The following ATP1A2 variants were observed in gnomAD, a reference collection of about 807,000 sequenced individuals.
The protein encoded by ATP1A2 is ATPase Na+/K+ transporting subunit alpha 2, also known as sodium/potassium-transporting ATPase subunit alpha-2.
A neutral mutation model predicts 113.1 loss-of-function variants in ATP1A2; 56 were observed. The observed-to-expected ratio is 0.49, with a 90% CI of 0.40 to 0.62. The LOEUF is 0.62. Ranked by LOEUF, ATP1A2 falls within the 20% of genes least tolerant of loss-of-function variation. The pLI is 0.00. For missense variants in ATP1A2, 712 were observed against 1,357.8 expected (o/e 0.52, Z 7.47); for synonymous variants, 490 against 526.8 (o/e 0.93, Z 0.96).
chr1:160,125,325 G>A lies in ATP1A2; in HGVS notation c.748+72G>A, dbSNP rs1258178108. The A allele has an allele frequency of 1.8e-5, 26 of 1,421,176 alleles. 1 individual carries two copies. The highest frequency in any genetic ancestry group is 1.5e-5 in the Non-Finnish European group (15 of 1,007,332). The allele number at this position is 1,421,176 out of a possible 1,614,324, so 88.0% of individuals were successfully genotyped here. On this transcript the variant is annotated intron_variant, in intron 7 of 22. Transcript: ENST00000361216. ...TCCATAGTCAGGATGAAGGGCTCTG[G>A]TAGTACTTACCTGGCAAAAGCTCTG...
rs142140032 is a variant in ATP1A2 at position 160,128,654 on chromosome 1, G to T, written c.1020G>T (p.Val340=). The part of the protein sequence containing the change: ...VPEGLLATVT[V]CLTLTAKRMA... ...TTATTCTCCTCTTTCTCTACCAGGT[G>T]TGCCTGACCCTGACAGCCAAGCGCA... The change falls in exon 9 of 23, where the codon GTG becomes GTT. Residue 340 remains valine (V), a splice_region_variant and synonymous_variant. Transcript: ENST00000361216. 5.0e-6 allele frequency: 8 copies of T among 1,614,052 alleles called. No homozygotes were observed. The East Asian group carries it at 6.7e-5, about 13-fold the overall frequency.
At chr1:160,120,739 A>C (rs544394977) in intron 1 of ATP1A2, among the ~76,000 whole-genome samples, 167 bp from the exon 2 acceptor site, 13 of 152,206 alleles carry the variant, frequency 8.5e-5, no homozygotes, top group Middle Eastern at 3.4e-3. Context: ...AATAGTCTAC[A>C]AACTGAGGGC....
intron 1 of ATP1A2, among the ~76,000 whole-genome samples, chr1:160,116,945 GTGTGTC>G (rs1446664049): frequency 4.6e-5 from 7 of 152,166 alleles, no homozygotes. Context: ...GCATGTATCT[GTGTGTC>G]TGTGTCTGTG....
In ATP1A2 at chr1:160,125,124, C is replaced by G; in HGVS notation, c.631-12C>G. On this transcript the variant is annotated splice_polypyrimidine_tract_variant and intron_variant, in intron 6 of 22. Transcript: ENST00000361216. The stretch of plus-strand genomic sequence containing the variant: ...CTGCCAGTCTGATGACTATGCACTC[C>G]TTCCTCCTCAGGTGGATAACTCATC... 6.2e-7 allele frequency: 1 copy of G among 1,612,484 alleles called. No homozygotes were observed. Among genetic ancestry groups the G allele is most frequent in the Non-Finnish European group, 8.5e-7 (1 of 1,178,526 alleles).
In ATP1A2 at chr1:160,134,661, G is replaced by A. The variant is rs370724298; in HGVS notation, c.1964+41G>A. ...GAAGCCCCTGTGCCCTAATCAACAC[G>A]TCCTCTTGCACAGAAGGCTTGGGTG... On this transcript the variant is annotated intron_variant, in intron 14 of 22. Coordinates refer to ENST00000361216, the MANE Select transcript of ATP1A2 (RefSeq NM_000702.4). 37 of 1,614,004 alleles carry A rather than the reference G, an allele frequency of 2.3e-5. No homozygotes were observed. In the African/African-American group the frequency reaches 2.4e-4, roughly 10 times the overall value.
chr1:160,124,591 G>A (rs1486559012), intron 6 of ATP1A2, among the ~76,000 whole-genome samples, 161 bp downstream of exon 6: 2 of 152,246 alleles, frequency 1.3e-5, no homozygotes, highest in East Asian at 1.9e-4. Context: ...GGGTGCTTGT[G>A]CAGTGCCTCC....
At position 160,130,111 on chromosome 1, in the gene ATP1A2, C is replaced by A. The variant is rs747333323; in HGVS notation, c.1471C>A (p.His491Asn). ...NSTNKYQLSI[H>N]EREDSPQSHV... ...CCTGTTGTCTCTCCAGCTGTCTATC[C>A]ACGAGCGAGAAGACAGCCCCCAGAG... is the stretch of plus-strand genomic sequence containing the variant. Residue 491 changes from histidine to asparagine, a missense_variant, in exon 12 of 23, where the codon CAC (histidine) becomes AAC (asparagine). His to Asn is a moderately conservative substitution (Grantham distance 68, BLOSUM62 1). Coordinates refer to ENST00000361216, the MANE Select transcript of ATP1A2 (RefSeq NM_000702.4). 1 of 1,614,222 alleles carries A rather than the reference C, an allele frequency of 6.2e-7. No homozygotes were observed. The highest frequency in any genetic ancestry group is 1.7e-5 in the Admixed American group (1 of 60,034).
Position 160,135,773 on chromosome 1 carries a change from C to T in ATP1A2, c.2285-66C>T. 5 of 1,612,872 alleles carry T rather than the reference C, an allele frequency of 3.1e-6. No individual in the cohort carries two copies. The highest frequency in any genetic ancestry group is 4.2e-6 in the Non-Finnish European group (5 of 1,179,008). ...TCTCTTGGGAAGACAGGCAGCCATG[C>T]TTCAGGGGCTGGGGGTGGGGAAGAG... On this transcript the variant is annotated intron_variant, in intron 16 of 22. Transcript: ENST00000361216. This position sits in a 1 kb window ranked among gnomAD's most constrained non-coding sequence, Gnocchi z 6.3.
intron 20 of ATP1A2, 185 bp downstream of exon 20, chr1:160,137,216 AATTTTGC>A (rs1651980953): frequency 2.0e-6 from 2 of 981,484 alleles, no homozygotes; most frequent in African/African-American, 3.3e-5. Context: ...TCAGGCTCCT[AATTTTGC>A]ATTTTGTTAT....
chr1:160,139,172 C>A (rs1652054267), intron 20 of ATP1A2, among the ~76,000 whole-genome samples: 1 of 152,200 alleles, frequency 6.6e-6, no homozygotes, highest in Admixed American at 6.5e-5. Flanking sequence ...ATCCCCTTTA[C>A]ATTCTCTGAA....
In ATP1A2 at chr1:160,123,428, C is replaced by G. The variant is rs368856029; in HGVS notation, c.381+12C>G. On this transcript the variant is annotated intron_variant, in intron 4 of 22. Coordinates refer to ENST00000361216, the MANE Select transcript of ATP1A2 (RefSeq NM_000702.4). The stretch of plus-strand genomic sequence containing the variant: ...CATCCAACGACAATGTGAGCCCACA[C>G]GCCCGACCCGGGAACAGCCCGTGAC... The G allele has an allele frequency of 1.2e-6, 2 of 1,614,136 alleles. No individual in the cohort carries two copies. The highest frequency in any genetic ancestry group is 1.1e-5 in the South Asian group (1 of 91,088).
At chr1:160,117,246 TG>T (rs1419531949) in intron 1 of ATP1A2, among the ~76,000 whole-genome samples, 1 of 151,954 alleles carries the variant, frequency 6.6e-6, no homozygotes, top group Non-Finnish European at 1.5e-5. Flanking sequence ...TGGCTCCCCA[TG>T]GAAAGGGCAT....
At chr1:160,122,115 G>A (rs1250130519) in intron 3 of ATP1A2, among the ~76,000 whole-genome samples, 1 of 152,224 alleles carries the variant, frequency 6.6e-6, no homozygotes, top group Non-Finnish European at 1.5e-5. Context: ...CTGGGCGATA[G>A]AGTGAGACTC....
rs920199278 is a variant in ATP1A2, at chr1:160,134,541, G to A, written c.1885G>A (p.Gly629Ser). ...AGCCAAGGCCATTGCCAAAGGCGTG[G>A]GCATCATATCAGAGGGTAACGAGAC... ...ITAKAIAKGV[G>S]IISEGNETVE... Residue 629 changes from glycine to serine, a missense_variant, in exon 14 of 23, where the codon GGC becomes AGC. Transcript: ENST00000361216. The A allele has an allele frequency of 6.2e-7, 1 of 1,614,184 alleles. No individual in the cohort carries two copies. Among genetic ancestry groups the A allele is most frequent in the Admixed American group, 1.7e-5 (1 of 60,022 alleles).
Position 160,125,204 on chromosome 1 carries a change from C to T in ATP1A2, c.699C>T (p.Asn233=), listed in dbSNP as rs1258932331. ...QTRSPEFTHE[N]PLETRNICFF... ...GCTCCCCCGAGTTCACCCATGAGAA[C>T]CCCCTGGAGACCCGCAATATCTGTT... Residue 233 remains asparagine (N), a synonymous_variant, in exon 7 of 23, where the codon AAC becomes AAT. Coordinates refer to ENST00000361216, the MANE Select transcript of ATP1A2 (RefSeq NM_000702.4). 1.2e-6 allele frequency: 2 copies of T among 1,614,110 alleles called. No homozygotes were observed. The highest frequency in any genetic ancestry group is 1.7e-5 in the Admixed American group (1 of 60,014).
chr1:160,131,702 G>A (rs1048647193), intron 13 of ATP1A2, among the ~76,000 whole-genome samples: 1 of 152,128 alleles, frequency 6.6e-6, no homozygotes, highest in Non-Finnish European at 1.5e-5. Flanking sequence ...GTAGTGGCAG[G>A]TGCCTGTAAT....
chr1:160,124,497 G>A (rs549537428), intron 6 of ATP1A2, 67 bp downstream of exon 6: 5 of 1,555,552 alleles, frequency 3.2e-6, no homozygotes, highest in Non-Finnish European at 4.3e-6. Context: ...GCTGAGAGGG[G>A]CCCAGTGAGG....
intron 3 of ATP1A2, among the ~76,000 whole-genome samples, chr1:160,122,707 C>T (rs1482638361): frequency 1.3e-5 from 2 of 152,250 alleles, no homozygotes; most frequent in East Asian, 1.9e-4. Context: ...CCTGTAGTCT[C>T]AGCTACTTGG....
chr1:160,125,420 A>G (rs1651556559), intron 7 of ATP1A2, 167 bp downstream of exon 7: 1 of 661,300 alleles, frequency 1.5e-6, no homozygotes, highest in South Asian at 1.7e-5. Flanking sequence ...AGAGCAGGGT[A>G]TTGACTGAGG....
Sources: gnomAD v4.1 joint callset for allele counts (sites outside exome capture counted in the v4.1 genomes callset) on GRCh38, gnomAD v4.1.1 for gene constraint, Gnocchi (gnomAD v3.1) non-coding constraint, MANE v1.5 for transcripts, NCBI Gene and HGNC (gene_info 2026-07-23, HGNC 2026-07-21) for gene names.